The following GRM5 variants were observed in gnomAD, a reference collection of about 807,000 sequenced individuals.
GRM5 encodes the protein glutamate metabotropic receptor 5.
Under a neutral mutation model 83.1 loss-of-function variants are expected in GRM5, and 19 were observed. The observed-to-expected ratio is 0.23, with a 90% confidence interval of 0.16 to 0.34. The LOEUF is 0.34. Among genes scored for constraint, GRM5 ranks in the 10% least tolerant of loss-of-function variants. GRM5 has a pLI of 1.00. For missense variants in GRM5, 1,160 were observed against 1,588.3 expected (o/e 0.73, Z 4.58); for synonymous variants, 675 against 633.6 (o/e 1.07, Z -0.98).
intron 4 of GRM5, among the ~76,000 whole-genome samples, chr11:88,621,319 T>A (rs1377496996): frequency 6.6e-6 from 1 of 152,210 alleles, no homozygotes; most frequent in East Asian, 1.9e-4. Flanking sequence ...CCTGAAGATG[T>A]GGCTTTCTCA....
rs1591468459 is a variant in GRM5 at position 88,724,558 on chromosome 11, T to C, written c.912-71155A>G. 2.6e-5 allele frequency among the ~76,000 whole-genome samples: 4 copies of C among 152,300 alleles called. No individual in the cohort carries two copies. The East Asian group carries it at 7.7e-4, about 29-fold the overall frequency. The stretch of plus-strand genomic sequence containing the variant: ...GTAATAGTGATGGGGCATTGTAATA[T>C]ATTAATAAGTACTTACTTACTGCAT... On this transcript the variant is annotated intron_variant, in intron 3 of 9. Transcript: ENST00000305447.
chr11:88,656,072 C>T (rs1037640945), intron 3 of GRM5, among the ~76,000 whole-genome samples: 14 of 151,994 alleles, frequency 9.2e-5, no homozygotes, highest in Non-Finnish European at 4.4e-5. Flanking sequence ...AAATGAAATG[C>T]TAAGAAAAAA....
intron 9 of GRM5, among the ~76,000 whole-genome samples, chr11:88,516,763 A>G (rs1192524558): frequency 6.6e-6 from 1 of 151,372 alleles, no homozygotes; most frequent in African/African-American, 2.4e-5. Flanking sequence ...TATGCCTTAT[A>G]TCTGTCAGTT....
intron 2 of GRM5, among the ~76,000 whole-genome samples, chr11:88,943,721 A>G (rs1439451602): frequency 2.6e-5 from 4 of 151,792 alleles, no homozygotes; most frequent in Non-Finnish European, 5.9e-5. Flanking sequence ...TCTTAATAAC[A>G]TTGAATTTGC....
chr11:88,661,562 T>C (rs548652211), intron 3 of GRM5, among the ~76,000 whole-genome samples: 16 of 152,270 alleles, frequency 1.1e-4, no homozygotes, highest in African/African-American at 3.8e-4. Context: ...CTAATAGATT[T>C]TAACAGATAT....
At chr11:88,706,245 G>T (rs915461917) in intron 3 of GRM5, among the ~76,000 whole-genome samples, 10 of 151,922 alleles carry the variant, frequency 6.6e-5, no homozygotes, top group Admixed American at 4.6e-4. Context: ...ATCTTTGAAG[G>T]TCCAGTTGTG....
intron 3 of GRM5, among the ~76,000 whole-genome samples, chr11:88,822,693 C>T (rs1221361876): frequency 6.6e-6 from 1 of 151,952 alleles, no homozygotes. Context: ...GAATGTGGTA[C>T]ATCTTTCCCT....
chr11:88,672,904 G>C (rs905294088), intron 3 of GRM5, among the ~76,000 whole-genome samples: 1 of 151,864 alleles, frequency 6.6e-6, no homozygotes, highest in Non-Finnish European at 1.5e-5. Flanking sequence ...AGGGTACAGT[G>C]GTAATCAAGA....
rs113544453 is a variant in GRM5 at position 88,565,863 on chromosome 11, C to A, written c.2630+1190G>T. 2.1e-3 allele frequency among the ~76,000 whole-genome samples: 325 copies of A among 152,214 alleles called. 6 individuals are homozygous for A. The highest frequency in any genetic ancestry group is 7.5e-3 in the African/African-American group (311 of 41,544). ...TAAGAGTACAAGTTAATAATGTAAA[C>A]GAATTGGACCTTGTGGATAAAATTC... On this transcript the variant is annotated intron_variant, in intron 8 of 9. Coordinates refer to ENST00000305447, the MANE Select transcript of GRM5 (RefSeq NM_001143831.3).
rs564164720 is a variant in GRM5, at chr11:88,505,013, A to G, written c.*3579T>C. ...CTGCCATTGATTTCTAGAAATACAC[A>G]CAATATACATAGTATATTTGTTCAC... On this transcript the variant is annotated 3_prime_UTR_variant, in exon 10 of 10. Transcript: ENST00000305447. The G allele has an allele frequency of 8.5e-5, 13 of 152,302 alleles. No homozygotes were observed. Among genetic ancestry groups the G allele is most frequent in the African/African-American group, 2.9e-4 (12 of 41,564 alleles). The allele number at this position is 152,302 out of a possible 1,614,324, so 9.4% of individuals were successfully genotyped here. A position where few individuals can be genotyped will look rare whatever the true frequency, so the allele number is the denominator to read the frequency against.
chr11:89,003,903 TATG>T (rs1191055590), intron 2 of GRM5, among the ~76,000 whole-genome samples: 1 of 152,090 alleles, frequency 6.6e-6, no homozygotes, highest in Non-Finnish European at 1.5e-5. Context: ...TCCAGTCAAG[TATG>T]GTGGCAGGTA....
chr11:88,588,185 A>G (rs572304909), intron 7 of GRM5, among the ~76,000 whole-genome samples: 1 of 152,308 alleles, frequency 6.6e-6, no homozygotes, highest in East Asian at 1.9e-4. Flanking sequence ...GTTTTAAAGA[A>G]GTGTTAGACA....
chr11:88,559,495 AAATG>A (rs1228323785), intron 8 of GRM5, among the ~76,000 whole-genome samples: 1 of 152,184 alleles, frequency 6.6e-6, no homozygotes, highest in East Asian at 1.9e-4. Flanking sequence ...TGTGTACAAT[AAATG>A]AGCTAATAAT....
At chr11:88,729,266 C>G (rs1228272788) in intron 3 of GRM5, among the ~76,000 whole-genome samples, 1 of 151,994 alleles carries the variant, frequency 6.6e-6, no homozygotes, top group Non-Finnish European at 1.5e-5. Flanking sequence ...TGAGGGAACT[C>G]CCATTCACAG....
chr11:89,018,333 T>C (rs1218451918), intron 2 of GRM5, among the ~76,000 whole-genome samples: 1 of 152,110 alleles, frequency 6.6e-6, no homozygotes, highest in East Asian at 1.9e-4. Context: ...AATTATGTCA[T>C]CAGTGATGCA....
At chr11:88,711,233 A>C (rs1365211237) in intron 3 of GRM5, among the ~76,000 whole-genome samples, 1 of 152,062 alleles carries the variant, frequency 6.6e-6, no homozygotes, top group Non-Finnish European at 1.5e-5. Flanking sequence ...TACAGGAAGG[A>C]AACTCAACAA....
chr11:88,861,928 A>G (rs1394033272), intron 2 of GRM5, among the ~76,000 whole-genome samples: 2 of 152,136 alleles, frequency 1.3e-5, no homozygotes, highest in Non-Finnish European at 2.9e-5. Flanking sequence ...GGGGTTAATT[A>G]CCCTCTTTAT....
chr11:88,523,705 A>G (rs308878), intron 9 of GRM5, among the ~76,000 whole-genome samples: 110,811 of 152,024 alleles, frequency 0.73, 40,931 homozygotes, highest in African/African-American at 0.85. Context: ...CTTGGCCAGG[A>G]CTGTTGTGAA....
At chr11:88,914,790 C>A (rs966853085) in intron 2 of GRM5, among the ~76,000 whole-genome samples, 1 of 152,092 alleles carries the variant, frequency 6.6e-6, no homozygotes, top group Admixed American at 6.6e-5. Flanking sequence ...TCTTAGCAAT[C>A]ATAATAGGTA....
Sources: allele counts gnomAD v4.1 joint callset (sites outside exome capture counted in the v4.1 genomes callset), GRCh38; gene constraint gnomAD v4.1.1; transcripts MANE v1.5; gene names NCBI Gene and HGNC (gene_info 2026-07-23, HGNC 2026-07-21).